The following CTTN variants were observed in gnomAD, a reference collection of about 807,000 sequenced individuals.
CTTN encodes the protein cortactin.
In CTTN, 28 loss-of-function variants were observed where a neutral mutation model predicts 84.0. That is an observed-to-expected ratio of 0.33 (90% confidence interval 0.25 to 0.46). The LOEUF (loss-of-function observed/expected upper bound fraction) is 0.46. Among genes scored for constraint, CTTN ranks in the 20% least tolerant of loss-of-function variants. The probability of loss-of-function intolerance (pLI) is 1.00; values close to 1 mark genes in which losing one functional copy is unlikely to be tolerated. For synonymous variants in CTTN, 301 were observed against 288.8 expected (o/e 1.04, Z -0.43); for missense variants, 641 against 723.8 (o/e 0.89, Z 1.31).
intron 17 of CTTN, among the ~76,000 whole-genome samples, chr11:70,434,613 A>G (rs1458696698): frequency 6.6e-6 from 1 of 151,926 alleles, no homozygotes; most frequent in Non-Finnish European, 1.5e-5. Context: ...CTCCATTCCC[A>G]TTTCAGCCAT....
rs143700140 is a variant in CTTN, at chr11:70,433,258, C to T, written c.1424C>T (p.Ala475Val). ...ATEAVYESAE[A>V]PGHYPAEDST... ...GAGGCTGTCTATGAAAGCGCAGAGG[C>T]CCCGGGCCACTATCCCGCAGGTACT... Residue 475 changes from alanine (A) to valine (V), a missense_variant, in exon 16 of 18, where the codon GCC (alanine) becomes GTC (valine). Physicochemically the swap from Ala to Val is moderately conservative, Grantham distance 64. Transcript: ENST00000301843. The T allele has an allele frequency of 6.2e-7, 1 of 1,611,504 alleles. No homozygotes were observed. Among genetic ancestry groups the T allele is most frequent in the South Asian group, 1.1e-5 (1 of 91,018 alleles).
chr11:70,417,931 G>A (rs1039082792), intron 8 of CTTN, among the ~76,000 whole-genome samples: 2 of 152,224 alleles, frequency 1.3e-5, no homozygotes, highest in African/African-American at 4.8e-5. Flanking sequence ...CTGCCAAGTT[G>A]TCCTTGGAGG....
At chr11:70,409,630 A>G (rs1208824524) in intron 4 of CTTN, among the ~76,000 whole-genome samples, 1 of 152,222 alleles carries the variant, frequency 6.6e-6, no homozygotes, top group Non-Finnish European at 1.5e-5. Flanking sequence ...CATGCGTCTG[A>G]TACTGCAGAC....
chr11:70,407,429 TG>T (rs1467182888), intron 3 of CTTN, 45 bp downstream of exon 3: 1 of 1,611,300 alleles, frequency 6.2e-7, no homozygotes, highest in Non-Finnish European at 8.5e-7. Context: ...GAAGTGGAAG[TG>T]GCTCTCCTGG....
At chr11:70,421,360 C>T in intron 10 of CTTN, 110 bp from the exon 11 acceptor site, 1 of 800,382 alleles carries the variant, frequency 1.2e-6, no homozygotes, top group Non-Finnish European at 2.2e-6. Context: ...CTCAGGAGAG[C>T]CCTTGCTTTC....
At chr11:70,431,353 G>C in intron 15 of CTTN, 73 bp downstream of exon 15, 1 of 1,490,860 alleles carries the variant, frequency 6.7e-7, no homozygotes, top group Non-Finnish European at 9.4e-7. Flanking sequence ...GTGGAGTGGA[G>C]GAAGCCCTTG....
At chr11:70,407,110 C>T (rs1260207435) in intron 2 of CTTN, among the ~76,000 whole-genome samples, 188 bp from the exon 3 acceptor site, 3 of 152,132 alleles carry the variant, frequency 2.0e-5, no homozygotes, top group Non-Finnish European at 2.9e-5. Flanking sequence ...GTTAGAACCC[C>T]GAGGTGAAAT....
intron 17 of CTTN, among the ~76,000 whole-genome samples, chr11:70,434,641 C>T (rs868025851): frequency 2.0e-5 from 3 of 152,260 alleles, no homozygotes; most frequent in Non-Finnish European, 2.9e-5. Context: ...GGCTTCTCTC[C>T]GGGTGTCCCC....
Position 70,433,365 on chromosome 11 carries a change from C to T in CTTN, c.1444+87C>T, listed in dbSNP as rs116484998. On this transcript the variant is annotated intron_variant, in intron 16 of 17. Transcript: ENST00000301843. The stretch of plus-strand genomic sequence containing the variant: ...CGACCTGTGGCGTCGTTGCGAGGAG[C>T]GTGGGTTTCCCACTGACACGCCTTT... The T allele has an allele frequency of 5.2e-4, 710 of 1,356,364 alleles. 3 individuals are homozygous for T. In the African/African-American group the frequency reaches 9.3e-3, roughly 18 times the overall value. 84.0% of individuals were successfully genotyped at this position (1,356,364 alleles called of 1,614,324 possible).
In CTTN at chr11:70,407,352, G is replaced by T. The variant is rs370118646; in HGVS notation, c.55G>T (p.Ala19Ser). The change falls in exon 3 of 18, where the codon GCC (alanine) becomes TCC (serine). Residue 19 changes from alanine to serine, a missense_variant. Physicochemically the swap from Ala to Ser is moderately conservative, Grantham distance 99. This residue lies in a region of CTTN where 284 missense variants were observed against 348.4 expected (regional missense o/e 0.82). Transcript: ENST00000301843. Reference protein sequence around the residue: ...AVSIAQDDAGADDWETDPDFV... With the variant: ...AVSIAQDDAGSDDWETDPDFV... ...GTCCATCGCCCAGGATGACGCGGGG[G>T]CCGATGACTGGGAGACCGACCCTGA... 43 of 1,571,850 alleles carry T rather than the reference G, an allele frequency of 2.7e-5. No homozygotes were observed. The highest frequency in any genetic ancestry group is 3.7e-5 in the Non-Finnish European group (43 of 1,158,568).
At chr11:70,434,969 C>T in intron 17 of CTTN, 57 bp from the exon 18 acceptor site, 4 of 1,592,750 alleles carry the variant, frequency 2.5e-6, no homozygotes, top group Non-Finnish European at 1.7e-6. Context: ...TGCTTTTTTT[C>T]TGGCAGACCA....
chr11:70,417,237 T>A (rs540048066), intron 8 of CTTN, 114 bp downstream of exon 8: 2 of 805,186 alleles, frequency 2.5e-6, no homozygotes, highest in Admixed American at 4.0e-5. Flanking sequence ...ATGTTTGGTG[T>A]TCTTTTCGTA....
chr11:70,435,027 G>C lies in CTTN; in HGVS notation c.1518G>C (p.Ala506=). ...CTTTCTCTGTGTTCTCTTCCCCAGCGGGCGATGATGAGATCTCATTTGACC... is the reference window on the plus strand; with the variant it reads ...CTTTCTCTGTGTTCTCTTCCCCAGCCGGCGATGATGAGATCTCATTTGACC... ...TAVALYDYQA[A]GDDEISFDPD... is the part of the protein sequence containing the mutation. The change falls in exon 18 of 18, where the codon GCG becomes GCC. Residue 506 remains alanine (A), a splice_region_variant and synonymous_variant. Transcript: ENST00000301843. 1 of 1,613,850 alleles carries C rather than the reference G, an allele frequency of 6.2e-7. No individual in the cohort carries two copies. The highest frequency in any genetic ancestry group is 1.1e-5 in the South Asian group (1 of 91,072).
intron 2 of CTTN, among the ~76,000 whole-genome samples, chr11:70,406,363 G>A (rs1490729393): frequency 6.6e-6 from 1 of 152,114 alleles, no homozygotes; most frequent in Admixed American, 6.5e-5. Flanking sequence ...TCCCAACATG[G>A]CACCTGAGAA....
At chr11:70,416,429 TTTTG>T (rs546985533) in intron 7 of CTTN, among the ~76,000 whole-genome samples, 2 of 151,946 alleles carry the variant, frequency 1.3e-5, no homozygotes, top group East Asian at 1.9e-4. Flanking sequence ...TTTCATTTTG[TTTTG>T]TTTGTTTGTT....
At chr11:70,408,979 G>A (rs944610686) in intron 4 of CTTN, among the ~76,000 whole-genome samples, 3 of 152,150 alleles carry the variant, frequency 2.0e-5, no homozygotes, top group Non-Finnish European at 4.4e-5. Flanking sequence ...CAACTCTCCA[G>A]TACAAAACCC....
chr11:70,419,508 T>C (rs2058203881), intron 8 of CTTN, among the ~76,000 whole-genome samples: 1 of 152,194 alleles, frequency 6.6e-6, no homozygotes, highest in African/African-American at 2.4e-5. Context: ...GCTCAAGTGA[T>C]CCTCCCTTCT....
At chr11:70,420,362 TGTTAATGATGG>T in intron 9 of CTTN, 27 bp from the exon 10 acceptor site, 1 of 1,369,508 alleles carries the variant, frequency 7.3e-7, no homozygotes, top group Non-Finnish European at 1.0e-6. Context: ...CTGCACTACC[TGTTAATGATGG>T]GTTCTGGCCT....
intron 6 of CTTN, among the ~76,000 whole-genome samples, chr11:70,415,219 A>G (rs887009370): frequency 1.3e-5 from 2 of 152,176 alleles, no homozygotes; most frequent in African/African-American, 4.8e-5. Context: ...GTGTCTGTGA[A>G]AGGAGGATGA....
Sources: gnomAD v4.1 joint callset for allele counts (sites outside exome capture counted in the v4.1 genomes callset) on GRCh38, gnomAD v4.1.1 for gene constraint, gnomAD v4.1.1 regional missense constraint, MANE v1.5 for transcripts, NCBI Gene and HGNC (gene_info 2026-07-23, HGNC 2026-07-21) for gene names.